LRRC69: variants seen among roughly 807,000 people sequenced by gnomAD.
LRRC69 encodes the protein leucine rich repeat containing 69.
Under a neutral mutation model 37.8 loss-of-function variants are expected in LRRC69, and 42 were observed. The observed-to-expected ratio is 1.11, with a 90% CI of 0.87 to 1.44. LRRC69 has a LOEUF of 1.44. Among genes scored for constraint, LRRC69 ranks in the 40% most tolerant of loss-of-function variants. The pLI is 0.00. For missense variants in LRRC69, 357 were observed against 401.9 expected, an observed-to-expected ratio of 0.89 and a Z score of 0.96; for synonymous variants, 141 against 143.1, an observed-to-expected ratio of 0.99 and a Z score of 0.11.
chr8:91,107,843 G>A (rs1586221219), intron 1 of LRRC69, among the ~76,000 whole-genome samples: 1 of 152,042 alleles, frequency 6.6e-6, no homozygotes. Context: ...ATATGGGGAT[G>A]TCAACAATTT....
At chr8:91,176,786 T>C (rs1809239509) in intron 5 of LRRC69, among the ~76,000 whole-genome samples, 1 of 152,150 alleles carries the variant, frequency 6.6e-6, no homozygotes, top group Non-Finnish European at 1.5e-5. Flanking sequence ...GATTGGATAA[T>C]GCCCAGTCAC....
At chr8:91,160,288 C>T (rs1343883591) in intron 5 of LRRC69, among the ~76,000 whole-genome samples, 2 of 148,468 alleles carry the variant, frequency 1.3e-5, no homozygotes, top group African/African-American at 4.9e-5. Flanking sequence ...TTGGCGGAAT[C>T]TTTAGTTTTT....
At chr8:91,161,661 G>T (rs943489517) in intron 5 of LRRC69, among the ~76,000 whole-genome samples, 15 of 151,032 alleles carry the variant, frequency 9.9e-5, no homozygotes, top group African/African-American at 3.6e-4. Context: ...CTAATTTTAT[G>T]TATTGGAATC....
At chr8:91,188,813 A>G (rs981733455) in intron 5 of LRRC69, among the ~76,000 whole-genome samples, 1 of 149,488 alleles carries the variant, frequency 6.7e-6, no homozygotes, top group Non-Finnish European at 1.5e-5. Flanking sequence ...TATCCTTGTG[A>G]ACTGTATATC....
intron 5 of LRRC69, among the ~76,000 whole-genome samples, chr8:91,153,823 CAA>C (rs949644439): frequency 6.6e-6 from 1 of 151,762 alleles, no homozygotes. Context: ...CAAGAGCAAA[CAA>C]ATCCAAAAGC....
intron 5 of LRRC69, among the ~76,000 whole-genome samples, chr8:91,149,750 T>C (rs1055434923): frequency 4.6e-5 from 7 of 151,872 alleles, no homozygotes; most frequent in Non-Finnish European, 8.8e-5. Context: ...TTGTATCCTC[T>C]TTTACTTCAT....
Position 91,124,487 on chromosome 8 carries a change from T to G in LRRC69, c.184-6T>G, listed in dbSNP as rs148429309. On this transcript the variant is annotated splice_region_variant and splice_polypyrimidine_tract_variant and intron_variant, in intron 1 of 7. Transcript: ENST00000448384. The stretch of plus-strand genomic sequence containing the variant: ...ATGAGTCCATTAAACCTCTATATGT[T>G]TGCAGTTGACAACACTAAATCTGGG... The G allele has an allele frequency of 6.6e-7, 1 of 1,525,844 alleles. No homozygotes were observed. Among genetic ancestry groups the G allele is most frequent in the African/African-American group, 1.4e-5 (1 of 71,898 alleles). 94.5% of individuals were successfully genotyped at this position (1,525,844 alleles called of 1,614,324 possible).
chr8:91,134,344 T>C (rs1416838835), intron 4 of LRRC69, among the ~76,000 whole-genome samples: 1 of 151,598 alleles, frequency 6.6e-6, no homozygotes, highest in Non-Finnish European at 1.5e-5. Flanking sequence ...GTCAAAGGCC[T>C]GATTACTGGG....
chr8:91,138,275 G>C (rs1586239599), intron 5 of LRRC69, among the ~76,000 whole-genome samples: 2 of 151,970 alleles, frequency 1.3e-5, no homozygotes, highest in Admixed American at 1.3e-4. Context: ...ACCTTGTGAA[G>C]TACATTTTTA....
intron 5 of LRRC69, 132 bp downstream of exon 5, chr8:91,135,871 G>T: frequency 4.2e-6 from 2 of 478,222 alleles, no homozygotes; most frequent in South Asian, 5.5e-5. Context: ...TCAAAGATTT[G>T]CTTTTAGAAT....
chr8:91,177,336 C>G (rs941381327), intron 5 of LRRC69, among the ~76,000 whole-genome samples: 1 of 152,114 alleles, frequency 6.6e-6, no homozygotes. Flanking sequence ...TAGGAAAGAT[C>G]TGACAATCAA....
At chr8:91,104,844 A>G (rs1813280658) in intron 1 of LRRC69, among the ~76,000 whole-genome samples, 2 of 152,042 alleles carry the variant, frequency 1.3e-5, no homozygotes, top group Non-Finnish European at 2.9e-5. Context: ...AAATTTCTGT[A>G]TTCTTGTCTC....
intron 7 of LRRC69, among the ~76,000 whole-genome samples, chr8:91,210,510 A>C (rs1226802296): frequency 2.0e-5 from 3 of 151,860 alleles, no homozygotes; most frequent in African/African-American, 7.3e-5. Flanking sequence ...CATTCAGGTC[A>C]GATAGATAGA....
At chr8:91,106,989 A>G (rs1328966400) in intron 1 of LRRC69, among the ~76,000 whole-genome samples, 2 of 151,132 alleles carry the variant, frequency 1.3e-5, no homozygotes, top group Non-Finnish European at 2.9e-5. Flanking sequence ...TTGTTTGGAG[A>G]CCGGGTCTCA....
At chr8:91,121,096 A>C (rs548387406) in intron 1 of LRRC69, among the ~76,000 whole-genome samples, 41 of 152,024 alleles carry the variant, frequency 2.7e-4, no homozygotes, top group African/African-American at 9.4e-4. Flanking sequence ...ATCATACAAC[A>C]TTCTGGCTCT....
At chr8:91,140,527 C>G (rs1808513348) in intron 5 of LRRC69, among the ~76,000 whole-genome samples, 1 of 151,362 alleles carries the variant, frequency 6.6e-6, no homozygotes, top group Non-Finnish European at 1.5e-5. Flanking sequence ...TTTATATTCT[C>G]ATTAAAAAAA....
intron 5 of LRRC69, among the ~76,000 whole-genome samples, chr8:91,145,541 A>G (rs1808605903): frequency 6.6e-6 from 1 of 151,912 alleles, no homozygotes; most frequent in Non-Finnish European, 1.5e-5. Flanking sequence ...TTAAAATAGT[A>G]TAATTTTCTT....
At chr8:91,201,421 T>C (rs1373085852) in intron 7 of LRRC69, among the ~76,000 whole-genome samples, 3 of 152,238 alleles carry the variant, frequency 2.0e-5, no homozygotes, top group Non-Finnish European at 4.4e-5. Context: ...CTAGATAATA[T>C]GTACATGAGT....
intron 5 of LRRC69, among the ~76,000 whole-genome samples, chr8:91,176,300 A>G (rs920380543): frequency 3.3e-5 from 5 of 150,876 alleles, no homozygotes; most frequent in Non-Finnish European, 7.4e-5. Flanking sequence ...ATGCCCATTT[A>G]GTTTTTTATT....
Sources: allele counts gnomAD v4.1 joint callset (sites outside exome capture counted in the v4.1 genomes callset), GRCh38; gene constraint gnomAD v4.1.1; transcripts MANE v1.5; gene names NCBI Gene and HGNC (gene_info 2026-07-23, HGNC 2026-07-21).